PLCXD3: variants seen among roughly 807,000 people sequenced by gnomAD.
PLCXD3 encodes the protein phosphatidylinositol specific phospholipase C X domain containing 3.
In PLCXD3, 19 loss-of-function variants were observed where a neutral mutation model predicts 25.5. The ratio of observed to expected loss-of-function variants is 0.75; its 90% CI spans 0.52 to 1.09. The LOEUF (loss-of-function observed/expected upper bound fraction) is 1.09. PLCXD3 is among the 50% of genes least tolerant of loss of function. The pLI is 0.00. For synonymous variants in PLCXD3, 174 were observed against 137.6 expected, an observed-to-expected ratio of 1.26 and a Z score of -1.85; for missense variants, 411 against 388.1, an observed-to-expected ratio of 1.06 and a Z score of -0.50.
At chr5:41,355,547 TC>T (rs1400592998) in intron 2 of PLCXD3, among the ~76,000 whole-genome samples, 1 of 152,212 alleles carries the variant, frequency 6.6e-6, no homozygotes, top group African/African-American at 2.4e-5. Context: ...TTATGCTCCA[TC>T]CAAGCCCTTT....
intron 1 of PLCXD3, among the ~76,000 whole-genome samples, chr5:41,470,027 C>T (rs1001090753): frequency 6.6e-6 from 1 of 152,154 alleles, no homozygotes; most frequent in Non-Finnish European, 1.5e-5. Context: ...CAACAAAAGC[C>T]TCTGAAGTGT....
At chr5:41,411,348 C>T (rs1325821162) in intron 1 of PLCXD3, among the ~76,000 whole-genome samples, 1 of 152,222 alleles carries the variant, frequency 6.6e-6, no homozygotes, top group African/African-American at 2.4e-5. Context: ...ATGATGCCCT[C>T]ACCAAACACC....
At chr5:41,482,321 T>C (rs1748430718) in intron 1 of PLCXD3, among the ~76,000 whole-genome samples, 1 of 152,060 alleles carries the variant, frequency 6.6e-6, no homozygotes, top group Non-Finnish European at 1.5e-5. Flanking sequence ...ATTATGGTGC[T>C]ACCGACCCTA....
At chr5:41,429,284 A>C (rs559577262) in intron 1 of PLCXD3, among the ~76,000 whole-genome samples, 2 of 152,192 alleles carry the variant, frequency 1.3e-5, no homozygotes, top group East Asian at 3.9e-4. Flanking sequence ...GAAATGGATG[A>C]GACTGAAAAC....
chr5:41,496,796 A>G (rs1748850399), intron 1 of PLCXD3, among the ~76,000 whole-genome samples: 2 of 74,368 alleles, frequency 2.7e-5, no homozygotes, highest in Admixed American at 2.2e-4. Context: ...AATACAGAAT[A>G]CTATAATACT....
intron 1 of PLCXD3, among the ~76,000 whole-genome samples, chr5:41,394,295 A>G (rs1335400608): frequency 6.6e-6 from 1 of 152,158 alleles, no homozygotes; most frequent in African/African-American, 2.4e-5. Flanking sequence ...ATGAATACAT[A>G]AAAAATAAAT....
chr5:41,414,573 A>C (rs1654232470), intron 1 of PLCXD3, among the ~76,000 whole-genome samples: 1 of 152,222 alleles, frequency 6.6e-6, no homozygotes, highest in Non-Finnish European at 1.5e-5. Flanking sequence ...AATATCTCTG[A>C]ATCAAATAAA....
intron 1 of PLCXD3, among the ~76,000 whole-genome samples, chr5:41,399,038 A>T (rs1405579705): frequency 1.3e-5 from 2 of 152,212 alleles, no homozygotes; most frequent in South Asian, 4.1e-4. Flanking sequence ...AAAAAAAAGT[A>T]GCATTTCTAC....
At chr5:41,353,319 T>C (rs1317414830) in intron 2 of PLCXD3, among the ~76,000 whole-genome samples, 2 of 151,866 alleles carry the variant, frequency 1.3e-5, no homozygotes, top group Non-Finnish European at 2.9e-5. Flanking sequence ...GCCAGGATGG[T>C]CTCAATCTCC....
chr5:41,372,086 C>T (rs1745111128), intron 2 of PLCXD3, among the ~76,000 whole-genome samples: 2 of 151,948 alleles, frequency 1.3e-5, no homozygotes, highest in African/African-American at 2.4e-5. Flanking sequence ...CCCCATCGAC[C>T]TACCTCCTTT....
At chr5:41,497,602 A>T (rs1748869263) in intron 1 of PLCXD3, among the ~76,000 whole-genome samples, 1 of 151,864 alleles carries the variant, frequency 6.6e-6, no homozygotes, top group Non-Finnish European at 1.5e-5. Context: ...TTAATATCCC[A>T]CATTTAATAC....
At chr5:41,372,347 C>CACAT (rs71608606) in intron 2 of PLCXD3, among the ~76,000 whole-genome samples, 7,849 of 131,220 alleles carry the variant, frequency 0.06, 366 homozygotes, top group Non-Finnish European at 0.071. Flanking sequence ...CACACACACA[C>CACAT]ACCAGGCACT....
At chr5:41,344,508 T>C (rs866538527) in intron 2 of PLCXD3, among the ~76,000 whole-genome samples, 1 of 152,168 alleles carries the variant, frequency 6.6e-6, no homozygotes, top group South Asian at 2.1e-4. Flanking sequence ...ATTTTTGTTA[T>C]AAGTTTTATA....
At chr5:41,342,603 G>T (rs1247764473) in intron 2 of PLCXD3, among the ~76,000 whole-genome samples, 1 of 152,092 alleles carries the variant, frequency 6.6e-6, no homozygotes, top group Non-Finnish European at 1.5e-5. Context: ...TGTACAGAAA[G>T]CTTTGTAAAT....
chr5:41,447,343 A>G (rs1204309026), intron 1 of PLCXD3, among the ~76,000 whole-genome samples: 1 of 152,252 alleles, frequency 6.6e-6, no homozygotes. Flanking sequence ...AGAGAAAAAA[A>G]GACAAGGCCA....
intron 1 of PLCXD3, among the ~76,000 whole-genome samples, chr5:41,392,122 G>T (rs973962307): frequency 1.3e-5 from 2 of 152,196 alleles, no homozygotes; most frequent in African/African-American, 4.8e-5. Flanking sequence ...AAGGCCTGGG[G>T]TACCTGTCTG....
At chr5:41,472,197 A>T (rs533353459) in intron 1 of PLCXD3, among the ~76,000 whole-genome samples, 1 of 152,042 alleles carries the variant, frequency 6.6e-6, no homozygotes, top group South Asian at 2.1e-4. Flanking sequence ...GCCTATGACA[A>T]GATTCTTTGT....
At chr5:41,486,637 T>C (rs182161713) in intron 1 of PLCXD3, among the ~76,000 whole-genome samples, 1 of 152,162 alleles carries the variant, frequency 6.6e-6, no homozygotes, top group African/African-American at 2.4e-5. Context: ...CAAAGGAGCT[T>C]AGAGAGGCAG....
At chr5:41,443,591 A>G (rs189996381) in intron 1 of PLCXD3, among the ~76,000 whole-genome samples, 1 of 152,280 alleles carries the variant, frequency 6.6e-6, no homozygotes, top group Non-Finnish European at 1.5e-5. Flanking sequence ...TATTACTATG[A>G]TTATTATTAG....
Sources: allele counts gnomAD v4.1 joint callset (sites outside exome capture counted in the v4.1 genomes callset), GRCh38; gene constraint gnomAD v4.1.1; transcripts MANE v1.5; gene names NCBI Gene and HGNC (gene_info 2026-07-23, HGNC 2026-07-21).